Variants in MPHOSPH9 observed in about 807,000 individuals in gnomAD.
The protein encoded by MPHOSPH9 is M-phase phosphoprotein 9.
MPHOSPH9 carries 88 observed loss-of-function variants against 145.5 expected under a neutral mutation model. That is an observed-to-expected ratio of 0.60 (90% CI 0.51 to 0.72). MPHOSPH9 has a LOEUF of 0.72. MPHOSPH9 is among the 30% of genes least tolerant of loss of function. MPHOSPH9 has a pLI of 0.00. For synonymous variants in MPHOSPH9, 435 were observed against 486.2 expected (o/e 0.89, Z 1.39); for missense variants, 1,238 against 1,386.6 (o/e 0.89, Z 1.70).
chr12:123,182,677 C>T (rs1252369974), intron 13 of MPHOSPH9, among the ~76,000 whole-genome samples: 39 of 145,870 alleles, frequency 2.7e-4, no homozygotes, highest in Middle Eastern at 3.9e-3. Context: ...TGTGGGAGGC[C>T]AAGGTGGGTG....
intron 16 of MPHOSPH9, among the ~76,000 whole-genome samples, chr12:123,169,156 G>C (rs546247555): frequency 1.3e-5 from 2 of 151,590 alleles, no homozygotes; most frequent in East Asian, 4.0e-4. Flanking sequence ...CAAAGTGCTG[G>C]GATTACAGGC....
chr12:123,175,191 C>T (rs943588611), intron 16 of MPHOSPH9, among the ~76,000 whole-genome samples: 2 of 151,716 alleles, frequency 1.3e-5, no homozygotes, highest in Admixed American at 6.6e-5. Flanking sequence ...TGCTCTGTCT[C>T]CCAGGCTGGA....
upstream of MPHOSPH9, among the ~76,000 whole-genome samples, chr12:123,236,814 C>T (rs1008333938): frequency 1.3e-5 from 2 of 152,036 alleles, no homozygotes; most frequent in Non-Finnish European, 1.5e-5. Context: ...TGGGGCCGGG[C>T]GCGGTGGCTC....
intron 1 of MPHOSPH9, among the ~76,000 whole-genome samples, chr12:123,240,115 G>A (rs942028526): frequency 1.3e-5 from 2 of 151,236 alleles, no homozygotes; most frequent in African/African-American, 2.4e-5. Context: ...TGTAATCCCA[G>A]CACTTTGAGA....
In MPHOSPH9 at chr12:123,156,318, T is replaced by C. The variant is rs2043864880; in HGVS notation, c.*489A>G. ...CACGTTTCAAATACGAATTGCATTA[T>C]CATTTTTTAAAAACCTCAACACAAC... On this transcript the variant is annotated 3_prime_UTR_variant, in exon 24 of 24. Coordinates refer to ENST00000606320, the MANE Select transcript of MPHOSPH9 (RefSeq NM_022782.4). The C allele has an allele frequency of 6.6e-6, 1 of 152,462 alleles. No individual in the cohort carries two copies. The highest frequency in any genetic ancestry group is 1.5e-5 in the Non-Finnish European group (1 of 68,138). The allele number at this position is 152,462 out of a possible 1,614,324, so 9.4% of individuals were successfully genotyped here.
upstream of MPHOSPH9, among the ~76,000 whole-genome samples, chr12:123,237,057 G>C (rs1240442527): frequency 6.6e-6 from 1 of 151,844 alleles, no homozygotes; most frequent in Non-Finnish European, 1.5e-5. Context: ...TGCAGTCCAG[G>C]CTGGGTGACA....
rs1286196043 is a variant in MPHOSPH9 at position 123,159,262 on chromosome 12, C to T, written c.3450+1519G>A. Among the ~76,000 whole-genome samples the T allele has an allele frequency of 6.6e-6, 1 of 152,088 alleles. No homozygotes were observed. The highest frequency in any genetic ancestry group is 2.4e-5 in the African/African-American group (1 of 41,420). On this transcript the variant is annotated intron_variant, in intron 23 of 23. Transcript: ENST00000606320. This position sits in a 1 kb window ranked among gnomAD's most constrained non-coding sequence, Gnocchi z 4.3. ...CAATGCAACCTCCACCACCCAGGTT[C>T]AAGCGATTCTCATGCCTCAGCCTCC...
At chr12:123,180,011 T>C in intron 14 of MPHOSPH9, 21 bp from the exon 15 acceptor site, 1 of 1,255,694 alleles carries the variant, frequency 8.0e-7, no homozygotes, top group Non-Finnish European at 1.1e-6. Flanking sequence ...AAAGGAGAAA[T>C]TCAGATAACT....
chr12:123,181,972 T>G (rs898996200), intron 13 of MPHOSPH9, among the ~76,000 whole-genome samples: 1 of 152,080 alleles, frequency 6.6e-6, no homozygotes, highest in Non-Finnish European at 1.5e-5. Flanking sequence ...TTTTTTTTCT[T>G]TAGATGGAGT....
At chr12:123,198,539 G>A (rs2046075310) in intron 11 of MPHOSPH9, among the ~76,000 whole-genome samples, 1 of 152,128 alleles carries the variant, frequency 6.6e-6, no homozygotes, top group Non-Finnish European at 1.5e-5. Context: ...GCCAGGCACA[G>A]TGGCTCACAC....
chr12:123,231,204 A>T (rs1375906382), intron 1 of MPHOSPH9, among the ~76,000 whole-genome samples: 1 of 152,092 alleles, frequency 6.6e-6, no homozygotes, highest in Admixed American at 6.6e-5. Flanking sequence ...CTGGTCTACA[A>T]CTCCTGGCCT....
intron 16 of MPHOSPH9, among the ~76,000 whole-genome samples, chr12:123,172,267 T>C (rs1215002768): frequency 2.0e-5 from 3 of 152,168 alleles, no homozygotes; most frequent in African/African-American, 7.2e-5. Flanking sequence ...GCTATGTAAG[T>C]GAATAAGCTT....
rs1163104890 is a variant in MPHOSPH9, at chr12:123,210,674, AGAGT to A, written c.1088-516_1088-513del. Reference sequence around the variant, plus strand: ...GCCACTGCACTCCAGCCTGAGTGATAGAGTGAGTGACAGAGTCTCAAAAAAAAAT... The same window carrying A: ...GCCACTGCACTCCAGCCTGAGTGATAGAGTGACAGAGTCTCAAAAAAAAAT... On this transcript the variant is annotated intron_variant, in intron 7 of 23. Coordinates refer to ENST00000606320, the MANE Select transcript of MPHOSPH9 (RefSeq NM_022782.4). Among the ~76,000 whole-genome samples the A allele has an allele frequency of 2.0e-5, 3 of 152,084 alleles. No individual in the cohort carries two copies. In the East Asian group the frequency reaches 5.8e-4, roughly 29 times the overall value.
At chr12:123,192,453 C>CA (rs1215440637) in intron 13 of MPHOSPH9, among the ~76,000 whole-genome samples, 1,894 of 114,224 alleles carry the variant, frequency 0.017, 34 homozygotes, top group Middle Eastern at 0.042. Flanking sequence ...GACTCCATCT[C>CA]AAAAAAAAAA....
intron 12 of MPHOSPH9, among the ~76,000 whole-genome samples, chr12:123,196,038 A>T (rs1044669826): frequency 1.3e-5 from 2 of 151,462 alleles, no homozygotes; most frequent in African/African-American, 4.8e-5. Flanking sequence ...CTGTCTCAAA[A>T]AAAAAAAAGG....
intron 11 of MPHOSPH9, among the ~76,000 whole-genome samples, chr12:123,200,500 C>T (rs1209439211): frequency 6.6e-6 from 1 of 152,170 alleles, no homozygotes; most frequent in Non-Finnish European, 1.5e-5. Flanking sequence ...TTGCCCTACA[C>T]GCTCAAACAT....
chr12:123,229,483 TATTTAGTCC>T (rs1318238583), intron 2 of MPHOSPH9, among the ~76,000 whole-genome samples: 1 of 152,258 alleles, frequency 6.6e-6, no homozygotes, highest in Non-Finnish European at 1.5e-5. Flanking sequence ...TGATAACATC[TATTTAGTCC>T]ACTATTTTGT....
chr12:123,235,030 C>G (rs1268092097), upstream of MPHOSPH9, among the ~76,000 whole-genome samples: 1 of 152,158 alleles, frequency 6.6e-6, no homozygotes, highest in Non-Finnish European at 1.5e-5. Context: ...AGCTCTAAAA[C>G]AAAGGCCGAT....
Position 123,156,771 on chromosome 12 carries a change from A to T in MPHOSPH9, c.*36T>A, listed in dbSNP as rs553340634. The T allele has an allele frequency of 1.3e-6, 2 of 1,570,930 alleles. No homozygotes were observed. Among genetic ancestry groups the T allele is most frequent in the African/African-American group, 2.7e-5 (2 of 74,250 alleles). The stretch of plus-strand genomic sequence containing the variant: ...TGACTGCATAATTATACATTAGTGC[A>T]AACAAAAATGTCTCAAAATTTAATG... On this transcript the variant is annotated 3_prime_UTR_variant, in exon 24 of 24. Transcript: ENST00000606320.
Sources: gnomAD v4.1 joint callset for allele counts (sites outside exome capture counted in the v4.1 genomes callset) on GRCh38, gnomAD v4.1.1 for gene constraint, Gnocchi (gnomAD v3.1) non-coding constraint, MANE v1.5 for transcripts, NCBI Gene and HGNC (gene_info 2026-07-23, HGNC 2026-07-21) for gene names.